Variants in PRIM2 observed in about 807,000 individuals in gnomAD.
The protein encoded by PRIM2 is DNA primase subunit 2.
PRIM2 carries 39 observed loss-of-function variants against 67.3 expected under a neutral mutation model. The observed-to-expected ratio is 0.58, with a 90% CI of 0.45 to 0.76. PRIM2 has a LOEUF of 0.76. Among genes scored for constraint, PRIM2 ranks in the 30% least tolerant of loss-of-function variants. PRIM2 has a pLI of 0.00. For synonymous variants in PRIM2, 143 were observed against 198.7 expected, an observed-to-expected ratio of 0.72 and a Z score of 2.36; for missense variants, 398 against 598.7, an observed-to-expected ratio of 0.66 and a Z score of 3.50.
chr6:57,551,089 T>C (rs1775391056), intron 10 of PRIM2, among the ~76,000 whole-genome samples: 1 of 152,250 alleles, frequency 6.6e-6, no homozygotes, highest in South Asian at 2.1e-4. Flanking sequence ...TTCCAGTTTG[T>C]TTACTTCTAT....
Position 57,609,507 on chromosome 6 carries a change from C to T in PRIM2, c.1230+3050C>T, listed in dbSNP as rs1420189959. Among the ~76,000 whole-genome samples the T allele has an allele frequency of 1.8e-3, 276 of 152,204 alleles. 7 individuals carry two copies. The South Asian group carries it at 0.051, about 28-fold the overall frequency. On this transcript the variant is annotated intron_variant, in intron 12 of 13. Coordinates refer to ENST00000615550, the MANE Select transcript of PRIM2 (RefSeq NM_000947.5). ...GCATTTTTTAGCAGTCATAAAGAAT[C>T]ACCTTTAAAAAAATAATCTTAATAT...
chr6:57,315,082 T>C (rs1767455047), upstream of PRIM2, among the ~76,000 whole-genome samples: 1 of 152,210 alleles, frequency 6.6e-6, no homozygotes, highest in Non-Finnish European at 1.5e-5. Flanking sequence ...CATGAACATA[T>C]ATTTCCAGTT....
At chr6:57,565,967 A>T (rs1423311706) in intron 10 of PRIM2, among the ~76,000 whole-genome samples, 6 of 152,036 alleles carry the variant, frequency 3.9e-5, no homozygotes, top group Admixed American at 6.6e-5. Context: ...TTGAACTAGG[A>T]TTTACATCAG....
chr6:57,642,677 G>A (rs1417748256), intron 13 of PRIM2, among the ~76,000 whole-genome samples: 3 of 151,856 alleles, frequency 2.0e-5, no homozygotes, highest in African/African-American at 7.3e-5. Flanking sequence ...TCCTGACCTC[G>A]TGATCCGCCC....
the PRIM2 span, among the ~76,000 whole-genome samples, chr6:57,308,938 AT>A: frequency 8.6e-4 from 120 of 140,048 alleles, no homozygotes; most frequent in African/African-American, 1.2e-3. Context: ...TTGTTTGTTT[AT>A]TTTTTTTTTT....
At chr6:57,255,872 C>T in the PRIM2 span, among the ~76,000 whole-genome samples, 2 of 152,094 alleles carry the variant, frequency 1.3e-5, no homozygotes, top group Non-Finnish European at 2.9e-5. Flanking sequence ...ACTGATAGCA[C>T]CAAGCGCTTT....
chr6:57,624,301 T>G (rs1345121658), intron 12 of PRIM2, among the ~76,000 whole-genome samples: 6 of 152,220 alleles, frequency 3.9e-5, no homozygotes, highest in Admixed American at 3.3e-4. Context: ...CTAAGTTTAC[T>G]TAGTTGTTAA....
chr6:57,414,003 G>T (rs1490246006), intron 7 of PRIM2, among the ~76,000 whole-genome samples: 3 of 152,052 alleles, frequency 2.0e-5, no homozygotes, highest in Non-Finnish European at 4.4e-5. Context: ...GTAAAGTTAG[G>T]GGTACTTGCT....
chr6:57,229,289 G>A, the PRIM2 span, among the ~76,000 whole-genome samples: 73 of 152,018 alleles, frequency 4.8e-4, no homozygotes, highest in African/African-American at 1.4e-3. Flanking sequence ...TGAAATGGCC[G>A]ATCTTCCAGT....
At chr6:57,313,212 T>A (rs1767420735), upstream of PRIM2, among the ~76,000 whole-genome samples, 1 of 152,238 alleles carries the variant, frequency 6.6e-6, no homozygotes, top group Non-Finnish European at 1.5e-5. Flanking sequence ...TTCCTGGCTA[T>A]CTTTTCTAAA....
rs1346412932 is a variant in PRIM2 at position 57,475,169 on chromosome 6, C to T, written c.694-32218C>T. ...ATTGGTGACTGTATTTTCTTTTAGC[C>T]TCCTCCCTTCCTCCTCCTACAACTT... On this transcript the variant is annotated intron_variant, in intron 7 of 13. Transcript: ENST00000615550. Among the ~76,000 whole-genome samples, 246 of 152,196 alleles carry T rather than the reference C, an allele frequency of 1.6e-3. 4 individuals carry two copies. The highest frequency in any genetic ancestry group is 0.014 in the Middle Eastern group (4 of 294).
intron 12 of PRIM2, among the ~76,000 whole-genome samples, chr6:57,629,312 A>G (rs1484411206): frequency 6.6e-6 from 1 of 152,196 alleles, no homozygotes; most frequent in Non-Finnish European, 1.5e-5. Flanking sequence ...TTCTACACAG[A>G]AAATATCTGT....
intron 7 of PRIM2, among the ~76,000 whole-genome samples, chr6:57,483,110 G>C (rs1439213197): frequency 6.6e-6 from 1 of 152,124 alleles, no homozygotes; most frequent in Non-Finnish European, 1.5e-5. Flanking sequence ...GATTCATCAT[G>C]TTGGCCAGGC....
At chr6:57,270,528 C>T in the PRIM2 span, among the ~76,000 whole-genome samples, 1 of 152,154 alleles carries the variant, frequency 6.6e-6, no homozygotes, top group East Asian at 1.9e-4. Context: ...AGATTTTGGG[C>T]TGAGACGATG....
chr6:57,233,641 C>T, the PRIM2 span, among the ~76,000 whole-genome samples: 1 of 139,296 alleles, frequency 7.2e-6, no homozygotes, highest in Non-Finnish European at 1.6e-5. Flanking sequence ...CTCCCTCCCT[C>T]CCTTCCTTCC....
chr6:57,400,596 T>C (rs1190778085), intron 7 of PRIM2, among the ~76,000 whole-genome samples: 4 of 152,200 alleles, frequency 2.6e-5, no homozygotes, highest in South Asian at 2.1e-4. Context: ...TCTTCTTACG[T>C]AGAATCTTGC....
At chr6:57,529,532 G>C (rs1395902561) in intron 8 of PRIM2, among the ~76,000 whole-genome samples, 6 of 152,172 alleles carry the variant, frequency 3.9e-5, no homozygotes. Context: ...AACTTTGCAT[G>C]AGTTTTATAT....
intron 11 of PRIM2, 124 bp downstream of exon 11, chr6:57,601,343 G>A (rs1223824333): frequency 5.6e-4 from 577 of 1,037,098 alleles, no homozygotes; most frequent in East Asian, 2.1e-3. Flanking sequence ...TATCTCAGTC[G>A]TCACTGTCAA....
At chr6:57,579,315 C>T (rs1369973091) in intron 10 of PRIM2, among the ~76,000 whole-genome samples, 1 of 151,912 alleles carries the variant, frequency 6.6e-6, no homozygotes, top group Non-Finnish European at 1.5e-5. Flanking sequence ...TTTTTTTTGT[C>T]CTTGAAATTG....
Sources: allele counts gnomAD v4.1 joint callset (sites outside exome capture counted in the v4.1 genomes callset), GRCh38; gene constraint gnomAD v4.1.1; transcripts MANE v1.5; gene names NCBI Gene and HGNC (gene_info 2026-07-23, HGNC 2026-07-21).